Variants in ARL6IP1 observed in about 807,000 individuals in gnomAD.
ARL6IP1 encodes the protein ADP-ribosylation factor-like protein 6-interacting protein 1.
Under a neutral mutation model 30.1 loss-of-function variants are expected in ARL6IP1, and 16 were observed. The ratio of observed to expected loss-of-function variants is 0.53; its 90% CI spans 0.36 to 0.81. The LOEUF is 0.81. ARL6IP1 is among the 30% of genes least tolerant of loss of function. The probability of loss-of-function intolerance (pLI) is 0.01; values close to 1 mark genes in which losing one functional copy is unlikely to be tolerated. For synonymous variants in ARL6IP1, 72 were observed against 84.8 expected (o/e 0.85, Z 0.83); for missense variants, 173 against 242.7 (o/e 0.71, Z 1.91).
intron 3 of ARL6IP1, among the ~76,000 whole-genome samples, chr16:18,796,285 G>A (rs1450057471): frequency 1.3e-5 from 2 of 152,142 alleles, no homozygotes; most frequent in East Asian, 1.9e-4. Context: ...TGCTATTATT[G>A]CCCTGTGCTG....
chr16:18,795,792 A>AGT (rs1810549350), intron 3 of ARL6IP1, among the ~76,000 whole-genome samples: 1 of 151,046 alleles, frequency 6.6e-6, no homozygotes, highest in Non-Finnish European at 1.5e-5. Context: ...TGTGTGAGAG[A>AGT]GAGAGTGTGT....
rs1226016344 is a variant in ARL6IP1 at position 18,792,852 on chromosome 16, A to G, written c.*400T>C. 1 of 153,826 alleles carries G rather than the reference A, an allele frequency of 6.5e-6. No individual in the cohort carries two copies. Among genetic ancestry groups the G allele is most frequent in the Non-Finnish European group, 1.5e-5 (1 of 68,754 alleles). 9.5% of individuals were successfully genotyped at this position (153,826 alleles called of 1,614,324 possible). A position where few individuals can be genotyped will look rare whatever the true frequency, so the allele number is the denominator to read the frequency against. ...TTTTAAGCAGACTGTGGAAGCAGAC[A>G]GAACCAGCTTCCTGTAGCCACAGAC... On this transcript the variant is annotated 3_prime_UTR_variant, in exon 6 of 6. Transcript: ENST00000304414.
chr16:18,800,338 C>A (rs1462485767), intron 1 of ARL6IP1, among the ~76,000 whole-genome samples: 1 of 152,160 alleles, frequency 6.6e-6, no homozygotes, highest in Non-Finnish European at 1.5e-5. Context: ...CGACCAAAGG[C>A]GTTGCTTTCC....
intron 1 of ARL6IP1, among the ~76,000 whole-genome samples, chr16:18,799,475 G>A (rs368184396): frequency 1.3e-5 from 2 of 152,162 alleles, no homozygotes; most frequent in Non-Finnish European, 2.9e-5. Flanking sequence ...AAAGTCATGC[G>A]GGGAATCGTG....
chr16:18,793,516 C>G, intron 5 of ARL6IP1, 146 bp from the exon 6 acceptor site: 1 of 537,936 alleles, frequency 1.9e-6, no homozygotes, highest in East Asian at 3.4e-5. Context: ...ACCGCAACCT[C>G]CGCCTCCCAG....
chr16:18,797,282 G>A (rs1187466525), intron 3 of ARL6IP1, among the ~76,000 whole-genome samples: 2 of 151,754 alleles, frequency 1.3e-5, no homozygotes, highest in East Asian at 3.8e-4. Flanking sequence ...CTACTCGGGA[G>A]GCTGAGGCAA....
chr16:18,798,512 A>G (rs2030311750), intron 2 of ARL6IP1, 189 bp downstream of exon 2: 1 of 588,082 alleles, frequency 1.7e-6, no homozygotes, highest in South Asian at 4.0e-5. Context: ...CAAGTGCTTT[A>G]GGTTACCAAG....
chr16:18,798,185 C>T (rs775228487), intron 2 of ARL6IP1, 141 bp from the exon 3 acceptor site: 7 of 775,360 alleles, frequency 9.0e-6, no homozygotes, highest in Non-Finnish European at 1.4e-5. Context: ...TCACAAGTGG[C>T]TTTCCAGAGG....
intron 5 of ARL6IP1, among the ~76,000 whole-genome samples, chr16:18,793,627 C>G (rs963709981): frequency 6.6e-6 from 1 of 151,894 alleles, no homozygotes; most frequent in African/African-American, 2.4e-5. Context: ...GATGGGGTTT[C>G]TCCATGTTAG....
chr16:18,793,710 C>T (rs950190085), intron 5 of ARL6IP1, among the ~76,000 whole-genome samples: 1 of 150,066 alleles, frequency 6.7e-6, no homozygotes, highest in Non-Finnish European at 1.5e-5. Context: ...GGATTACGGG[C>T]GTGAGCCACC....
rs1408093993 is a variant in ARL6IP1 at position 18,801,484 on chromosome 16, C to A, written c.-18G>T. Reference sequence around the variant, plus strand: ...TCCGCCATCGTCTCGGGGATGCAGTCTCTACAAGCGCAGGCCACCTCCCCA... The same window carrying A: ...TCCGCCATCGTCTCGGGGATGCAGTATCTACAAGCGCAGGCCACCTCCCCA... On this transcript the variant is annotated 5_prime_UTR_variant, in exon 1 of 6. Transcript: ENST00000304414. 6.2e-7 allele frequency: 1 copy of A among 1,611,622 alleles called. No homozygotes were observed. The highest frequency in any genetic ancestry group is 8.5e-7 in the Non-Finnish European group (1 of 1,179,270).
Position 18,793,313 on chromosome 16 carries a change from A to G in ARL6IP1, c.551T>C (p.Ile184Thr), listed in dbSNP as rs755221744. ...LNQHGIILKYIGMAKREINKL... is the reference protein window; with the variant it reads ...LNQHGIILKYTGMAKREINKL... ...GTTTATCTCCCTCTTGGCCATTCCA[A>G]TGTACTTCAAAATGATTCCATGTTG... The change falls in exon 6 of 6, where the codon ATT (isoleucine) becomes ACT (threonine). Residue 184 changes from isoleucine to threonine, a missense_variant. By Grantham distance (89) the Ile-to-Thr change is moderately conservative. Coordinates refer to ENST00000304414, the MANE Select transcript of ARL6IP1 (RefSeq NM_015161.3). The G allele has an allele frequency of 3.7e-6, 6 of 1,613,372 alleles. No homozygotes were observed. Among genetic ancestry groups the G allele is most frequent in the Non-Finnish European group, 4.2e-6 (5 of 1,179,880 alleles).
At chr16:18,801,076 C>G in intron 1 of ARL6IP1, 1 of 775,114 alleles carries the variant, frequency 1.3e-6, no homozygotes, top group East Asian at 6.4e-5. Flanking sequence ...CGGGGAAAGC[C>G]GAATACGGCT....
intron 5 of ARL6IP1, 53 bp from the exon 6 acceptor site, chr16:18,793,423 G>A: frequency 2.0e-6 from 2 of 991,642 alleles, no homozygotes; most frequent in Non-Finnish European, 3.0e-6. Flanking sequence ...ACCTGCTAAA[G>A]GTTATTACTT....
Position 18,798,749 on chromosome 16 carries a change from C to T in ARL6IP1, c.122G>A (p.Arg41Lys). ...LMADKVLRWE[R>K]AWFPPAIMGV... ...CATGATGGCAGGTGGAAACCAGGCT[C>T]TTTCCCATCGGAGGACTTTATCAGC... The change falls in exon 2 of 6, where the codon AGA (arginine) becomes AAA (lysine). Residue 41 changes from arginine to lysine, a missense_variant. By Grantham distance (26) the Arg-to-Lys change is conservative. Transcript: ENST00000304414. The T allele has an allele frequency of 6.2e-7, 1 of 1,614,210 alleles. No homozygotes were observed. The highest frequency in any genetic ancestry group is 2.2e-5 in the East Asian group (1 of 44,884).
intron 1 of ARL6IP1, among the ~76,000 whole-genome samples, chr16:18,800,186 G>A (rs1223915735): frequency 1.3e-5 from 2 of 152,180 alleles, no homozygotes; most frequent in Non-Finnish European, 2.9e-5. Flanking sequence ...AGACTACTAT[G>A]TGTGGGCACT....
chr16:18,798,080 G>A (rs1012807024), intron 2 of ARL6IP1, 36 bp from the exon 3 acceptor site: 1 of 1,541,782 alleles, frequency 6.5e-7, no homozygotes, highest in Non-Finnish European at 8.8e-7. Flanking sequence ...GAAAAACATA[G>A]TCATTATTAT....
rs1435780633 is a variant in ARL6IP1, at chr16:18,793,492, C to T, written c.494-122G>A. The T allele has an allele frequency of 2.2e-5, 13 of 582,938 alleles. 1 individual carries two copies. In the South Asian group the frequency reaches 2.4e-4, roughly 11 times the overall value. 36.1% of individuals were successfully genotyped at this position (582,938 alleles called of 1,614,324 possible). A position where few individuals can be genotyped will look rare whatever the true frequency, so the allele number is the denominator to read the frequency against. On this transcript the variant is annotated intron_variant, in intron 5 of 5. Transcript: ENST00000304414. ...TGTTGCCCAGGCTGGAGTGCAATGG[C>T]GCAATCTTGGCTCACCGCAACCTCC...
At chr16:18,798,600 T>C (rs892751955) in intron 2 of ARL6IP1, 101 bp downstream of exon 2, 4 of 1,308,894 alleles carry the variant, frequency 3.1e-6, no homozygotes, top group Non-Finnish European at 4.1e-6. Flanking sequence ...ATGGGTTATA[T>C]ATTACAGAAG....
Sources: gnomAD v4.1 joint callset for allele counts (sites outside exome capture counted in the v4.1 genomes callset) on GRCh38, gnomAD v4.1.1 for gene constraint, MANE v1.5 for transcripts, NCBI Gene and HGNC (gene_info 2026-07-23, HGNC 2026-07-21) for gene names.